Variants in SGCD observed in about 807,000 individuals in gnomAD.
The protein encoded by SGCD is delta-sarcoglycan.
SGCD carries 18 observed loss-of-function variants against 36.6 expected under a neutral mutation model. That is an observed-to-expected ratio of 0.49 (90% CI 0.34 to 0.73). The LOEUF is 0.73. SGCD is among the 30% of genes least tolerant of loss of function. The pLI is 0.01. For missense variants in SGCD, 387 were observed against 346.7 expected, an observed-to-expected ratio of 1.12 and a Z score of -0.92; for synonymous variants, 133 against 130.6, an observed-to-expected ratio of 1.02 and a Z score of -0.12.
At chr5:155,729,644 T>C in the SGCD span, among the ~76,000 whole-genome samples, 2 of 152,166 alleles carry the variant, frequency 1.3e-5, no homozygotes, top group Non-Finnish European at 2.9e-5. Flanking sequence ...ATCCTGTGGC[T>C]AGGCGCGGGG....
At chr5:155,841,032 AG>A in the SGCD span, among the ~76,000 whole-genome samples, 1 of 13,298 alleles carries the variant, frequency 7.5e-5, no homozygotes, top group East Asian at 0.029. Context: ...AAAAAAAAAA[AG>A]ACTGGGGCAC....
At chr5:156,465,093 G>A (rs901939456) in intron 3 of SGCD, among the ~76,000 whole-genome samples, 3 of 152,058 alleles carry the variant, frequency 2.0e-5, no homozygotes, top group African/African-American at 2.4e-5. Flanking sequence ...ACCCAGGGGC[G>A]TGTATGATTA....
chr5:156,423,455 A>G (rs1311222171), intron 3 of SGCD, among the ~76,000 whole-genome samples: 1 of 131,054 alleles, frequency 7.6e-6, no homozygotes, highest in African/African-American at 2.9e-5. Flanking sequence ...TTTTATTATA[A>G]TATATTAATT....
chr5:156,118,593 T>G (rs1761959596), intron 2 of SGCD, among the ~76,000 whole-genome samples: 1 of 152,144 alleles, frequency 6.6e-6, no homozygotes, highest in South Asian at 2.1e-4. Flanking sequence ...AGACACATAT[T>G]TCATTAACTA....
At chr5:156,391,097 A>T (rs1320654492) in intron 3 of SGCD, among the ~76,000 whole-genome samples, 2 of 152,224 alleles carry the variant, frequency 1.3e-5, no homozygotes, top group African/African-American at 2.4e-5. Flanking sequence ...CATTCAAGAA[A>T]GTGCCCTATA....
intron 3 of SGCD, among the ~76,000 whole-genome samples, chr5:156,488,573 G>C (rs766442817): frequency 6.6e-6 from 1 of 151,980 alleles, no homozygotes; most frequent in Non-Finnish European, 1.5e-5. Context: ...TTATTCCAAA[G>C]TAAAAGAGAA....
At chr5:156,586,763 T>G (rs1228711728) in intron 4 of SGCD, among the ~76,000 whole-genome samples, 2 of 152,232 alleles carry the variant, frequency 1.3e-5, no homozygotes, top group African/African-American at 4.8e-5. Flanking sequence ...TTTTTTGTTT[T>G]TTAAACACTT....
At chr5:156,210,043 T>C (rs1764396807) in intron 3 of SGCD, among the ~76,000 whole-genome samples, 1 of 152,132 alleles carries the variant, frequency 6.6e-6, no homozygotes, top group African/African-American at 2.4e-5. Flanking sequence ...TTTGCCCTTG[T>C]GGATACAGGC....
chr5:156,740,614 CTTGGGTTACCTCTTCTCAGAAGCAA>C (rs1299293630), intron 7 of SGCD, among the ~76,000 whole-genome samples: 1 of 152,180 alleles, frequency 6.6e-6, no homozygotes, highest in African/African-American at 2.4e-5. Flanking sequence ...GGGGTTTTAA[CTTGGGTTACCTCTTCTCAGAAGCAA>C]TATCCTAAGC....
intron 7 of SGCD, among the ~76,000 whole-genome samples, chr5:156,690,692 G>A (rs999370436): frequency 9.9e-5 from 15 of 152,248 alleles, no homozygotes; most frequent in African/African-American, 3.6e-4. Context: ...TTAAGAGGAA[G>A]AAAAGGAGTA....
At chr5:156,562,846 A>G (rs1228489050) in intron 4 of SGCD, among the ~76,000 whole-genome samples, 1 of 151,120 alleles carries the variant, frequency 6.6e-6, no homozygotes, top group Non-Finnish European at 1.5e-5. Context: ...TACATATTTT[A>G]TATACTTAAA....
chr5:156,552,939 G>A (rs1038888596), intron 4 of SGCD, among the ~76,000 whole-genome samples: 2 of 152,106 alleles, frequency 1.3e-5, no homozygotes, highest in Non-Finnish European at 2.9e-5. Flanking sequence ...AAATACCTAA[G>A]GCTGGGTAAT....
chr5:156,389,261 G>T (rs1561663923), intron 3 of SGCD, among the ~76,000 whole-genome samples: 1 of 152,184 alleles, frequency 6.6e-6, no homozygotes, highest in Non-Finnish European at 1.5e-5. Context: ...GCCATGGAGG[G>T]CTTGCCCAAA....
intron 7 of SGCD, among the ~76,000 whole-genome samples, chr5:156,678,723 T>C (rs191518968): frequency 1.3e-4 from 20 of 152,306 alleles, no homozygotes; most frequent in African/African-American, 4.6e-4. Context: ...TGATTGCTTG[T>C]AAACCAAGCC....
chr5:155,906,372 C>T (rs2113347736), intron 1 of SGCD, among the ~76,000 whole-genome samples: 1 of 152,212 alleles, frequency 6.6e-6, no homozygotes, highest in South Asian at 2.1e-4. Flanking sequence ...GCATGTCTCA[C>T]ATTTTAAATC....
intron 1 of SGCD, among the ~76,000 whole-genome samples, chr5:155,927,973 A>G (rs1253214293): frequency 1.3e-5 from 2 of 152,228 alleles, no homozygotes; most frequent in African/African-American, 4.8e-5. Context: ...AAAAAATTGC[A>G]TGCTAACTGA....
chr5:156,217,476 T>G (rs143420272), intron 3 of SGCD, among the ~76,000 whole-genome samples: 2,039 of 152,306 alleles, frequency 0.013, 16 homozygotes, highest in Middle Eastern at 0.024. Flanking sequence ...CTTTTGGCTT[T>G]CTTTCTACGG....
chr5:156,227,885 A>G lies in SGCD; in HGVS notation c.-43-101649A>G, dbSNP rs138354944. 1.8e-3 allele frequency among the ~76,000 whole-genome samples: 275 copies of G among 151,984 alleles called. 2 individuals are homozygous for G. The highest frequency in any genetic ancestry group is 6.3e-3 in the African/African-American group (260 of 41,440). On this transcript the variant is annotated intron_variant, in intron 3 of 9. Coordinates refer to the SGCD transcript ENST00000517913. Reference sequence around the variant, plus strand: ...GGAGAATTTTTTAATTTCCGTCTTGATTTCGTTTTTGATCCAATGCTCATT... The same window carrying G: ...GGAGAATTTTTTAATTTCCGTCTTGGTTTCGTTTTTGATCCAATGCTCATT...
chr5:156,552,880 C>A (rs1371540897), intron 4 of SGCD, among the ~76,000 whole-genome samples: 1 of 152,132 alleles, frequency 6.6e-6, no homozygotes, highest in Non-Finnish European at 1.5e-5. Context: ...TCTTTAGCTC[C>A]TTCCACCTTA....
Sources: gnomAD v4.1 joint callset for allele counts (sites outside exome capture counted in the v4.1 genomes callset) on GRCh38, gnomAD v4.1.1 for gene constraint, MANE v1.5 for transcripts, NCBI Gene and HGNC (gene_info 2026-07-23, HGNC 2026-07-21) for gene names.